The following TUBGCP6 variants were observed in gnomAD, a reference collection of about 807,000 sequenced individuals.
TUBGCP6 encodes tubulin gamma complex component 6.
In TUBGCP6, 161 loss-of-function variants were observed where a neutral mutation model predicts 175.8. The observed-to-expected ratio is 0.92, with a 90% CI of 0.81 to 1.04. TUBGCP6 has a LOEUF of 1.04. Ranked by LOEUF, TUBGCP6 falls within the 50% of genes least tolerant of loss-of-function variation. The pLI, the probability that TUBGCP6 is intolerant of heterozygous loss-of-function variation, is 0.00. For missense variants in TUBGCP6, 2,572 were observed against 2,433.0 expected (o/e 1.06, Z -1.20); for synonymous variants, 1,173 against 1,030.5 (o/e 1.14, Z -2.65).
At chr22:50,238,990 C>T (rs2064809125) in intron 2 of TUBGCP6, among the ~76,000 whole-genome samples, 1 of 152,160 alleles carries the variant, frequency 6.6e-6, no homozygotes. Flanking sequence ...AGCTCGCCCA[C>T]CCGGGGGCAC....
intron 14 of TUBGCP6, 123 bp from the exon 15 acceptor site, chr22:50,222,225 TG>T: frequency 8.4e-7 from 1 of 1,190,452 alleles, no homozygotes; most frequent in Non-Finnish European, 1.2e-6. Flanking sequence ...AGGCTTGTGC[TG>T]GGCTCCAGTG....
At chr22:50,220,168 C>A in intron 16 of TUBGCP6, 83 bp downstream of exon 16, 1 of 1,545,836 alleles carries the variant, frequency 6.5e-7, no homozygotes, top group South Asian at 1.2e-5. Flanking sequence ...ACTTCACATG[C>A]CACCAACCCC....
At chr22:50,237,411 T>C (rs906623803) in intron 2 of TUBGCP6, among the ~76,000 whole-genome samples, 4 of 152,240 alleles carry the variant, frequency 2.6e-5, no homozygotes, top group Non-Finnish European at 5.9e-5. Flanking sequence ...CAAAGGAACT[T>C]GAACCACAGC....
Position 50,222,454 on chromosome 22 carries a change from C to G in TUBGCP6, c.2409G>C (p.Gln803His). 5 of 1,613,674 alleles carry G rather than the reference C, an allele frequency of 3.1e-6. No individual in the cohort carries two copies. The highest frequency in any genetic ancestry group is 4.2e-6 in the Non-Finnish European group (5 of 1,179,994). The change falls in exon 14 of 25, where the codon CAG becomes CAC. Residue 803 changes from glutamine (Q) to histidine (H), a missense_variant and splice_region_variant. Coordinates refer to ENST00000248846, the MANE Select transcript of TUBGCP6 (RefSeq NM_020461.4). ...RFLLEDEKHI[Q>H]EMLKAVSEAH... The stretch of plus-strand genomic sequence containing the variant: ...CTGCCATCTGAAGCCGCAGACATAC[C>G]TGAATGTGTTTCTCATCTTCTAAGA...
Position 50,244,554 on chromosome 22 carries a change from A to G in TUBGCP6, c.-95T>C. On this transcript the variant is annotated 5_prime_UTR_variant, in exon 1 of 25. Coordinates refer to ENST00000248846, the MANE Select transcript of TUBGCP6 (RefSeq NM_020461.4). ...AGACAGGGAGTGAGAGAGGGTCCGA[A>G]GAGGCTGAATGACAGGCGGCCTCTC... The G allele has an allele frequency of 6.9e-7, 1 of 1,457,942 alleles. No homozygotes were observed. Among genetic ancestry groups the G allele is most frequent in the East Asian group, 2.5e-5 (1 of 40,546 alleles). The allele number at this position is 1,457,942 out of a possible 1,614,324, so 90.3% of individuals were successfully genotyped here. A position where few individuals can be genotyped will look rare whatever the true frequency, so the allele number is the denominator to read the frequency against.
chr22:50,223,440 T>G (rs5771242), intron 13 of TUBGCP6: 1 of 152,556 alleles, frequency 6.6e-6, no homozygotes, highest in African/African-American at 2.4e-5. Context: ...ACAGGACAGG[T>G]TGATAACAGC....
chr22:50,218,455 G>T, intron 22 of TUBGCP6, 33 bp downstream of exon 22: 1 of 1,613,000 alleles, frequency 6.2e-7, no homozygotes, highest in Non-Finnish European at 8.5e-7. Context: ...TCCAGCCAGG[G>T]GTGCGGGGCG....
At chr22:50,222,184 C>T in intron 14 of TUBGCP6, 82 bp from the exon 15 acceptor site, 1 of 1,438,208 alleles carries the variant, frequency 7.0e-7, no homozygotes, top group Non-Finnish European at 9.6e-7. Context: ...GCCCCTACCG[C>T]CCATGGCAGC....
At position 50,219,485 on chromosome 22, in the gene TUBGCP6, G is replaced by C. The variant is rs370961946; in HGVS notation, c.4316-29C>G. The C allele has an allele frequency of 1.1e-3, 1,742 of 1,594,592 alleles. 1 individual carries two copies. Among genetic ancestry groups the C allele is most frequent in the Non-Finnish European group, 1.4e-3 (1,647 of 1,171,526 alleles). ...CGGGAGATGGAGCACGCACGTGCTGGGAACCGGCCAGCCCAGGGCTCCGCC... is the reference window on the plus strand; with the variant it reads ...CGGGAGATGGAGCACGCACGTGCTGCGAACCGGCCAGCCCAGGGCTCCGCC... On this transcript the variant is annotated intron_variant, in intron 18 of 24. Transcript: ENST00000248846.
intron 13 of TUBGCP6, chr22:50,222,890 G>A (rs973180572): frequency 5.6e-6 from 2 of 357,880 alleles, no homozygotes; most frequent in Non-Finnish European, 5.1e-6. Flanking sequence ...CAAGGGGTGA[G>A]CAGGAGGCCG....
intron 3 of TUBGCP6, among the ~76,000 whole-genome samples, chr22:50,229,995 A>T (rs1267982014): frequency 6.6e-6 from 1 of 152,120 alleles, no homozygotes; most frequent in Non-Finnish European, 1.5e-5. Flanking sequence ...TTATAACCAG[A>T]GAGTGGAGAC....
intron 2 of TUBGCP6, among the ~76,000 whole-genome samples, chr22:50,235,075 CCT>C (rs1287772335): frequency 2.0e-5 from 3 of 151,818 alleles, no homozygotes; most frequent in Admixed American, 1.3e-4. Flanking sequence ...TATCCACACC[CCT>C]GTCCATGGGA....
At chr22:50,219,906 G>A (rs376384817) in intron 17 of TUBGCP6, 51 bp downstream of exon 17, 36 of 1,611,794 alleles carry the variant, frequency 2.2e-5, no homozygotes, top group African/African-American at 1.3e-4. Flanking sequence ...AACCTAGAGG[G>A]ACAGAGCCCT....
In TUBGCP6 at chr22:50,227,934, A is replaced by G. The variant is rs1358219976; in HGVS notation, c.1385T>C (p.Leu462Pro). Residue 462 changes from leucine to proline, a missense_variant, in exon 5 of 25, where the codon CTC becomes CCC. Coordinates refer to ENST00000248846, the MANE Select transcript of TUBGCP6 (RefSeq NM_020461.4). ...PTLSLLTIGF[L>P]FKKLGRQLRY... ...GAGCTGCCGGCCAAGTTTCTTGAAG[A>G]GAAAACCAATGGTGAGGAGGCTCAG... 6.3e-7 allele frequency: 1 copy of G among 1,575,686 alleles called. No individual in the cohort carries two copies. Among genetic ancestry groups the G allele is most frequent in the Admixed American group, 1.9e-5 (1 of 53,798 alleles).
chr22:50,226,215 G>T (rs769967093), intron 8 of TUBGCP6, 26 bp from the exon 9 acceptor site: 1 of 1,614,048 alleles, frequency 6.2e-7, no homozygotes, highest in East Asian at 2.2e-5. Context: ...CACCACGGTG[G>T]CCGGCATGGC....
intron 3 of TUBGCP6, among the ~76,000 whole-genome samples, chr22:50,230,036 G>A (rs937570223): frequency 6.6e-6 from 1 of 152,082 alleles, no homozygotes; most frequent in African/African-American, 2.4e-5. Context: ...CAACCAAAAC[G>A]AATGGGGTGT....
rs374805072 is a variant in TUBGCP6 at position 50,221,327 on chromosome 22, C to T, written c.3032G>A (p.Arg1011His). The T allele has an allele frequency of 5.6e-5, 91 of 1,613,124 alleles. No homozygotes were observed. The highest frequency in any genetic ancestry group is 7.5e-5 in the Non-Finnish European group (89 of 1,179,952). The change falls in exon 16 of 25, where the codon CGT becomes CAT. Residue 1011 changes from arginine (R) to histidine (H), a missense_variant. Transcript: ENST00000248846. ...ETLLPSHPPR[R>H]AALEEGSSQP... ...GCTGCTCCCCTCCTCCAGAGCAGCA[C>T]GCCTGGGTGGGTGTGAGGGGAGCAG...
chr22:50,217,956 T>C lies in TUBGCP6; in HGVS notation c.5330A>G (p.Tyr1777Cys), dbSNP rs764286294. 10 of 1,610,366 alleles carry C rather than the reference T, an allele frequency of 6.2e-6. No homozygotes were observed. In the African/African-American group the frequency reaches 1.2e-4, roughly 19 times the overall value. The change falls in exon 24 of 25, where the codon TAC (tyrosine) becomes TGC (cysteine). Residue 1777 changes from tyrosine to cysteine, a missense_variant. Coordinates refer to ENST00000248846, the MANE Select transcript of TUBGCP6 (RefSeq NM_020461.4). Reference sequence around the variant, plus strand: ...GTGGGAGTAGTACTTGAAGGTGTTGTAGGACTGCTGCATGAGTGCAAAGTT... The same window carrying C: ...GTGGGAGTAGTACTTGAAGGTGTTGCAGGACTGCTGCATGAGTGCAAAGTT... ...HPNFALMQQS[Y>C]NTFKYYSHFL...
rs559738236 is a variant in TUBGCP6 at position 50,227,572 on chromosome 22, T to A, written c.1412+335A>T. ...GCCCAGCTCCTCACTCTTCCTTCTC[T>A]GATGGCACCTGCCAATAGCCCCCGA... On this transcript the variant is annotated intron_variant, in intron 5 of 24. Transcript: ENST00000248846. 5.9e-5 allele frequency among the ~76,000 whole-genome samples: 9 copies of A among 152,294 alleles called. 1 individual carries two copies. The South Asian group carries it at 1.9e-3, about 32-fold the overall frequency.
Sources: gnomAD v4.1 joint callset for allele counts (sites outside exome capture counted in the v4.1 genomes callset) on GRCh38, gnomAD v4.1.1 for gene constraint, MANE v1.5 for transcripts, NCBI Gene and HGNC (gene_info 2026-07-23, HGNC 2026-07-21) for gene names.